LOXHD1: variants seen among roughly 807,000 people sequenced by gnomAD.
LOXHD1 encodes the protein lipoxygenase homology domain-containing protein 1.
A neutral mutation model predicts 248.2 loss-of-function variants in LOXHD1; 205 were observed. The ratio of observed to expected loss-of-function variants is 0.83; its 90% confidence interval spans 0.74 to 0.93. The LOEUF (loss-of-function observed/expected upper bound fraction) is 0.93. Ranked by LOEUF, LOXHD1 falls within the 40% of genes least tolerant of loss-of-function variation. The probability of loss-of-function intolerance (pLI) is 0.00; values close to 1 mark genes in which losing one functional copy is unlikely to be tolerated. For missense variants in LOXHD1, 2,930 were observed against 2,971.6 expected (o/e 0.99, Z 0.33); for synonymous variants, 1,113 against 1,162.8 (o/e 0.96, Z 0.87).
chr18:46,488,830 C>T (rs1298296377), intron 38 of LOXHD1, 142 bp downstream of exon 38: 7 of 912,240 alleles, frequency 7.7e-6, no homozygotes, highest in Non-Finnish European at 1.1e-5. Context: ...TTTCACCAAA[C>T]AGCATTTAGG....
chr18:46,565,790 G>A (rs1382012271), intron 17 of LOXHD1, among the ~76,000 whole-genome samples: 2 of 152,128 alleles, frequency 1.3e-5, no homozygotes, highest in South Asian at 2.1e-4. Context: ...GTCTGTATAT[G>A]TTCAGTACAG....
chr18:46,613,743 G>C (rs2038542410), intron 5 of LOXHD1, among the ~76,000 whole-genome samples: 1 of 152,022 alleles, frequency 6.6e-6, no homozygotes, highest in African/African-American at 2.4e-5. Flanking sequence ...AGTTTTCTAT[G>C]GGTTTTTAAA....
At chr18:46,602,965 G>A (rs1020691061) in intron 7 of LOXHD1, among the ~76,000 whole-genome samples, 1 of 152,098 alleles carries the variant, frequency 6.6e-6, no homozygotes, top group Non-Finnish European at 1.5e-5. Context: ...TTCTATTCGA[G>A]TATGTTTTTA....
chr18:46,637,407 C>T (rs1470266564), intron 4 of LOXHD1, among the ~76,000 whole-genome samples: 1 of 152,108 alleles, frequency 6.6e-6, no homozygotes, highest in Non-Finnish European at 1.5e-5. Context: ...AGGCTCTTCT[C>T]CTGACAGTGG....
At position 46,566,421 on chromosome 18, in the gene LOXHD1, C is replaced by T; in HGVS notation, c.2273G>A (p.Ser758Asn). The T allele has an allele frequency of 1.3e-6, 2 of 1,550,784 alleles. No homozygotes were observed. Among genetic ancestry groups the T allele is most frequent in the South Asian group, 2.4e-5 (2 of 84,070 alleles). Residue 758 changes from serine to asparagine, a missense_variant, in exon 17 of 41, where the codon AGC (serine) becomes AAC (asparagine). By Grantham distance (46) the Ser-to-Asn change is conservative (BLOSUM62 1). Transcript: ENST00000642948. ...NINRLVIGHD[S>N]TGMHASWFLG... is the part of the protein sequence containing the mutation. Reference sequence around the variant, plus strand: ...GAACCAGCTGGCATGCATGCCAGTGCTGTCATGCCCAATCACCAGCCGGTT... The same window carrying T: ...GAACCAGCTGGCATGCATGCCAGTGTTGTCATGCCCAATCACCAGCCGGTT...
At chr18:46,574,702 CGCCCA>C (rs1347849397) in intron 14 of LOXHD1, among the ~76,000 whole-genome samples, 1 of 152,116 alleles carries the variant, frequency 6.6e-6, no homozygotes, top group Non-Finnish European at 1.5e-5. Flanking sequence ...GCTTCTCTTC[CGCCCA>C]GCCATCAGCA....
At chr18:46,585,405 A>G (rs965501861) in intron 12 of LOXHD1, among the ~76,000 whole-genome samples, 4 of 152,218 alleles carry the variant, frequency 2.6e-5, no homozygotes, top group African/African-American at 9.6e-5. Context: ...TGCAATGAAT[A>G]GTCTGAAAGT....
chr18:46,553,744 G>A (rs922993513), intron 21 of LOXHD1, among the ~76,000 whole-genome samples: 4 of 152,196 alleles, frequency 2.6e-5, no homozygotes, highest in African/African-American at 9.6e-5. Flanking sequence ...CAGATGATAA[G>A]CTGATATAGA....
chr18:46,599,830 G>A (rs2038308661), intron 8 of LOXHD1, among the ~76,000 whole-genome samples: 1 of 152,146 alleles, frequency 6.6e-6, no homozygotes, highest in Admixed American at 6.5e-5. Context: ...AACCTTGGTA[G>A]TAATCATAAA....
intron 12 of LOXHD1, among the ~76,000 whole-genome samples, chr18:46,586,318 A>G (rs183942889): frequency 6.6e-6 from 1 of 152,286 alleles, no homozygotes; most frequent in East Asian, 1.9e-4. Context: ...GTGTTCTGGA[A>G]TTTGATAGTG....
In LOXHD1 at chr18:46,522,408, T is replaced by G. The variant is rs142568120; in HGVS notation, c.4877-99A>C. ...TGGAAGTGACCTCTGAGGGCACTGA[T>G]CTCAGCTCCTTGCTCAGAGACAAAG... On this transcript the variant is annotated intron_variant, in intron 31 of 40. Coordinates refer to ENST00000642948, the MANE Select transcript of LOXHD1 (RefSeq NM_001384474.1). 2,681 of 935,872 alleles carry G rather than the reference T, an allele frequency of 2.9e-3. 5 individuals are homozygous for G. Among genetic ancestry groups the G allele is most frequent in the Admixed American group, 5.7e-3 (261 of 45,528 alleles). 58.0% of individuals were successfully genotyped at this position (935,872 alleles called of 1,614,324 possible). A position where few individuals can be genotyped will look rare whatever the true frequency, so the allele number is the denominator to read the frequency against.
intron 4 of LOXHD1, among the ~76,000 whole-genome samples, chr18:46,625,074 T>G (rs1250365284): frequency 6.6e-6 from 1 of 152,150 alleles, no homozygotes; most frequent in African/African-American, 2.4e-5. Context: ...AGCTTGATGG[T>G]GTTCACACAA....
At chr18:46,615,885 C>T (rs2038579432) in intron 5 of LOXHD1, among the ~76,000 whole-genome samples, 1 of 152,206 alleles carries the variant, frequency 6.6e-6, no homozygotes, top group Non-Finnish European at 1.5e-5. Context: ...TAAGTTTACA[C>T]AAGTTAAAAA....
At chr18:46,572,062 C>A in intron 15 of LOXHD1, 24 bp downstream of exon 15, 2 of 1,549,194 alleles carry the variant, frequency 1.3e-6, no homozygotes, top group Non-Finnish European at 1.7e-6. Context: ...GCACACCCAG[C>A]ACCTGGTCAT....
chr18:46,530,510 G>A (rs886137909), intron 28 of LOXHD1, among the ~76,000 whole-genome samples: 2 of 152,256 alleles, frequency 1.3e-5, no homozygotes, highest in South Asian at 4.2e-4. Context: ...GAGCACAGCT[G>A]GGAGTGGCAC....
chr18:46,609,632 C>T (rs1418379320), intron 6 of LOXHD1, among the ~76,000 whole-genome samples: 1 of 152,196 alleles, frequency 6.6e-6, no homozygotes, highest in Non-Finnish European at 1.5e-5. Flanking sequence ...ATGCAAAAGG[C>T]CGGTTGCCTG....
rs1434045514 is a variant in LOXHD1 at position 46,657,060 on chromosome 18, C to T, written c.-27G>A. The T allele has an allele frequency of 6.4e-7, 1 of 1,551,446 alleles. No homozygotes were observed. Among genetic ancestry groups the T allele is most frequent in the South Asian group, 1.2e-5 (1 of 84,026 alleles). ...CTGTCGGCTGCCTTCTCCCAGCGCT[C>T]GCAGGCTCACTGTGCCGCCTCCTCA... On this transcript the variant is annotated 5_prime_UTR_variant, in exon 1 of 41. Transcript: ENST00000642948.
chr18:46,607,243 T>C (rs899293726), intron 6 of LOXHD1, among the ~76,000 whole-genome samples: 19 of 151,658 alleles, frequency 1.3e-4, no homozygotes, highest in African/African-American at 4.1e-4. Flanking sequence ...GCATGCTATA[T>C]TTAAAAATGA....
rs773487745 is a variant in LOXHD1, at chr18:46,560,480, C to T, written c.2664G>A (p.Gly888=). The change falls in exon 19 of 41, where the codon GGG becomes GGA. Residue 888 remains glycine, a synonymous_variant. Transcript: ENST00000642948. The part of the protein sequence containing the change: ...LRLGHTGEGF[G]PSWFVDTVWL... ...ACACGGTGTCCACGAACCAGCTGGGCCCAAAGCCCTCGCCCGTGTGCCCGA... is the reference window on the plus strand; with the variant it reads ...ACACGGTGTCCACGAACCAGCTGGGTCCAAAGCCCTCGCCCGTGTGCCCGA... The T allele has an allele frequency of 2.6e-5, 40 of 1,539,932 alleles. No individual in the cohort carries two copies. The African/African-American group carries it at 4.6e-4, about 18-fold the overall frequency.
Sources: allele counts gnomAD v4.1 joint callset (sites outside exome capture counted in the v4.1 genomes callset), GRCh38; gene constraint gnomAD v4.1.1; transcripts MANE v1.5; gene names NCBI Gene and HGNC (gene_info 2026-07-23, HGNC 2026-07-21).